Variants in NDST4 observed in about 807,000 individuals in gnomAD.
NDST4 encodes N-deacetylase and N-sulfotransferase 4.
Under a neutral mutation model 100.8 loss-of-function variants are expected in NDST4, and 63 were observed. That is an observed-to-expected ratio of 0.62 (90% CI 0.51 to 0.77). NDST4 has a LOEUF of 0.77. Ranked by LOEUF, NDST4 falls within the 30% of genes least tolerant of loss-of-function variation. NDST4 has a pLI of 0.00. For synonymous variants in NDST4, 377 were observed against 361.8 expected, an observed-to-expected ratio of 1.04 and a Z score of -0.48; for missense variants, 943 against 1,018.4, an observed-to-expected ratio of 0.93 and a Z score of 1.01.
At chr4:114,933,432 C>CTTTTTTTTTTTTTTTTTTCTTTT (rs1553955185) in intron 6 of NDST4, among the ~76,000 whole-genome samples, 10 of 89,238 alleles carry the variant, frequency 1.1e-4, no homozygotes, top group East Asian at 4.4e-4. Context: ...TTTTCTTTTC[C>CTTTTTTTTTTTTTTTTTTCTTTT]TTTTTTTTTT....
Position 114,833,853 on chromosome 4 carries a change from C to T in NDST4, c.2287-138G>A, listed in dbSNP as rs1284507212. The T allele has an allele frequency of 5.4e-6, 3 of 557,158 alleles. No individual in the cohort carries two copies. The Admixed American group carries it at 1.1e-4, about 21-fold the overall frequency. The allele number at this position is 557,158 out of a possible 1,614,324, so 34.5% of individuals were successfully genotyped here. ...CAAATATGCCCTACTTAGAATACAT[C>T]CGAATGTTTATTATTCTTGCATCCT... On this transcript the variant is annotated intron_variant, in intron 11 of 13. Transcript: ENST00000264363.
At chr4:115,031,101 A>C (rs1728104675) in intron 2 of NDST4, among the ~76,000 whole-genome samples, 1 of 152,080 alleles carries the variant, frequency 6.6e-6, no homozygotes, top group Non-Finnish European at 1.5e-5. Context: ...GATTAAAAGA[A>C]ATGTATTCCC....
intron 2 of NDST4, among the ~76,000 whole-genome samples, chr4:115,018,942 A>G (rs1727748677): frequency 6.6e-6 from 1 of 152,016 alleles, no homozygotes; most frequent in Admixed American, 6.6e-5. Context: ...GAGAATGCAA[A>G]TGCTAATTTT....
At chr4:114,847,986 T>G (rs1220760064) in intron 9 of NDST4, among the ~76,000 whole-genome samples, 1 of 152,162 alleles carries the variant, frequency 6.6e-6, no homozygotes, top group Non-Finnish European at 1.5e-5. Context: ...TCCCATAATG[T>G]TTTTTATTCA....
chr4:114,933,338 G>A (rs1298776362), intron 6 of NDST4, among the ~76,000 whole-genome samples: 1 of 151,048 alleles, frequency 6.6e-6, no homozygotes, highest in African/African-American at 2.4e-5. Context: ...TGGACTAAAG[G>A]TTTAAATCAA....
At position 115,011,311 on chromosome 4, in the gene NDST4, C is replaced by T. The variant is rs1470813567; in HGVS notation, c.979-34037G>A. Among the ~76,000 whole-genome samples the T allele has an allele frequency of 4.6e-5, 7 of 152,066 alleles. No individual in the cohort carries two copies. The East Asian group carries it at 1.2e-3, about 25-fold the overall frequency. On this transcript the variant is annotated intron_variant, in intron 2 of 13. Coordinates refer to ENST00000264363, the MANE Select transcript of NDST4 (RefSeq NM_022569.3). The stretch of plus-strand genomic sequence containing the variant: ...TCATGGCTGTCATGCCATTCTGGTA[C>T]TTATCTATATTTCTACAGTCTGAGA...
chr4:114,847,147 C>T (rs894320029), intron 9 of NDST4, among the ~76,000 whole-genome samples: 2 of 131,006 alleles, frequency 1.5e-5, no homozygotes, highest in African/African-American at 8.4e-5. Flanking sequence ...GAGGCCGAGG[C>T]GGGCGGATCA....
At position 114,899,586 on chromosome 4, in the gene NDST4, G is replaced by A. The variant is rs183121596; in HGVS notation, c.1537-28636C>T. Among the ~76,000 whole-genome samples, 24 of 151,116 alleles carry A rather than the reference G, an allele frequency of 1.6e-4. No individual in the cohort carries two copies. In the East Asian group the frequency reaches 1.8e-3, roughly 11 times the overall value. ...GATTTTTCCAAATTCTTTTATTTACGTCTACTAATATGGTGTGATCTTTCT... is the reference window on the plus strand; with the variant it reads ...GATTTTTCCAAATTCTTTTATTTACATCTACTAATATGGTGTGATCTTTCT... On this transcript the variant is annotated intron_variant, in intron 6 of 13. Transcript: ENST00000264363.
intron 5 of NDST4, 148 bp downstream of exon 5, chr4:114,937,170 A>C: frequency 2.4e-6 from 2 of 839,962 alleles, no homozygotes; most frequent in Non-Finnish European, 3.7e-6. Flanking sequence ...GGGTTAATGC[A>C]TAACCAGTCA....
chr4:114,956,581 A>G (rs1421353676), intron 4 of NDST4, among the ~76,000 whole-genome samples: 1 of 152,204 alleles, frequency 6.6e-6, no homozygotes, highest in African/African-American at 2.4e-5. Flanking sequence ...GCAATCAAGT[A>G]TACAGCTGAT....
intron 1 of NDST4, among the ~76,000 whole-genome samples, chr4:115,112,490 T>C (rs1165807490): frequency 2.0e-5 from 3 of 151,858 alleles, no homozygotes; most frequent in African/African-American, 7.3e-5. Context: ...AAAGGTGAGT[T>C]TGAAAGAGAC....
At chr4:114,838,483 C>A (rs1454681540) in intron 11 of NDST4, among the ~76,000 whole-genome samples, 2 of 152,128 alleles carry the variant, frequency 1.3e-5, no homozygotes, top group African/African-American at 4.8e-5. Flanking sequence ...GAATACTATG[C>A]AGCTATAAAA....
intron 2 of NDST4, among the ~76,000 whole-genome samples, chr4:114,991,374 T>C (rs1394928201): frequency 2.0e-5 from 3 of 152,046 alleles, no homozygotes; most frequent in African/African-American, 7.2e-5. Flanking sequence ...ACGAATGAGT[T>C]ATGGGGTGAA....
At chr4:114,969,262 C>A (rs1189540864) in intron 4 of NDST4, among the ~76,000 whole-genome samples, 2 of 141,742 alleles carry the variant, frequency 1.4e-5, no homozygotes, top group Non-Finnish European at 1.5e-5. Context: ...TGCAGTGAGC[C>A]GAGATCCCGC....
At position 114,963,976 on chromosome 4, in the gene NDST4, C is replaced by T. The variant is rs564545811; in HGVS notation, c.1221+6454G>A. On this transcript the variant is annotated intron_variant, in intron 4 of 13. Coordinates refer to ENST00000264363, the MANE Select transcript of NDST4 (RefSeq NM_022569.3). ...ATTGTTTATGTTCCCTCTTTTTGAG[C>T]GTGTGCTAGACCTAGTGACTGGCTT... 7.2e-4 allele frequency among the ~76,000 whole-genome samples: 110 copies of T among 152,206 alleles called. 1 individual carries two copies. The highest frequency in any genetic ancestry group is 5.8e-4 in the East Asian group (3 of 5,178).
intron 2 of NDST4, among the ~76,000 whole-genome samples, chr4:115,033,139 A>G (rs1185289575): frequency 1.5e-4 from 14 of 91,240 alleles, no homozygotes; most frequent in Admixed American, 2.3e-4. Flanking sequence ...GTGTATATAT[A>G]TATATATATA....
intron 6 of NDST4, among the ~76,000 whole-genome samples, chr4:114,909,367 A>T (rs1353703332): frequency 6.6e-6 from 1 of 152,154 alleles, no homozygotes; most frequent in South Asian, 2.1e-4. Flanking sequence ...CTTCTTAGAA[A>T]GCTAAATTAT....
At chr4:114,882,577 A>G (rs763528757) in intron 6 of NDST4, among the ~76,000 whole-genome samples, 16 of 152,100 alleles carry the variant, frequency 1.1e-4, no homozygotes, top group Admixed American at 2.0e-4. Flanking sequence ...AAACTAAAGT[A>G]CAAAGAGAAA....
chr4:114,860,355 G>T (rs546978653), intron 7 of NDST4, among the ~76,000 whole-genome samples: 4 of 152,086 alleles, frequency 2.6e-5, no homozygotes, highest in Non-Finnish European at 5.9e-5. Flanking sequence ...CACTTCTTCA[G>T]TCGATAATGG....
Sources: allele counts gnomAD v4.1 joint callset (sites outside exome capture counted in the v4.1 genomes callset), GRCh38; gene constraint gnomAD v4.1.1; transcripts MANE v1.5; gene names NCBI Gene and HGNC (gene_info 2026-07-23, HGNC 2026-07-21).